The following LTBP1 variants were observed in gnomAD, a reference collection of about 807,000 sequenced individuals.
LTBP1 encodes latent transforming growth factor beta binding protein 1, also known as latent-transforming growth factor beta-binding protein 1.
LTBP1 carries 129 observed loss-of-function variants against 207.6 expected under a neutral mutation model. The observed-to-expected ratio is 0.62, with a 90% confidence interval of 0.54 to 0.72. The LOEUF is 0.72. LTBP1 is among the 30% of genes least tolerant of loss of function. The probability of loss-of-function intolerance (pLI) is 0.00; values close to 1 mark genes in which losing one functional copy is unlikely to be tolerated. For synonymous variants in LTBP1, 963 were observed against 833.7 expected (o/e 1.16, Z -2.67); for missense variants, 2,281 against 2,217.2 (o/e 1.03, Z -0.58).
chr2:33,150,798 G>C (rs1482400273), intron 5 of LTBP1, among the ~76,000 whole-genome samples: 1 of 142,654 alleles, frequency 7.0e-6, no homozygotes, highest in African/African-American at 2.6e-5. Flanking sequence ...CCTGGGAGGC[G>C]GAGGTTGGCT....
At chr2:33,189,572 C>G (rs540060668) in intron 7 of LTBP1, among the ~76,000 whole-genome samples, 1 of 152,298 alleles carries the variant, frequency 6.6e-6, no homozygotes, top group South Asian at 2.1e-4. Flanking sequence ...TAAAATGTGT[C>G]AGGCGTGAGA....
In LTBP1 at chr2:32,996,994, C is replaced by T. The variant is rs374522282; in HGVS notation, c.566-23915C>T. On this transcript the variant is annotated intron_variant, in intron 2 of 33. Transcript: ENST00000404816. ...CCGCCTTCTGGGTCCAAGCGATTCT[C>T]ATGCCTCAGCCTCCCGAGTAGCTGG... is the stretch of plus-strand genomic sequence containing the variant. Among the ~76,000 whole-genome samples, 113 of 152,254 alleles carry T rather than the reference C, an allele frequency of 7.4e-4. 1 individual carries two copies. The East Asian group carries it at 0.013, about 18-fold the overall frequency.
At chr2:33,319,747 G>A (rs1182316982) in intron 24 of LTBP1, among the ~76,000 whole-genome samples, 3 of 152,088 alleles carry the variant, frequency 2.0e-5, no homozygotes, top group African/African-American at 7.2e-5. Context: ...ATGATACAGC[G>A]GCCATGTTCA....
intron 22 of LTBP1, among the ~76,000 whole-genome samples, chr2:33,302,950 TACACACACACACAC>T (rs70938396): frequency 1.9e-4 from 28 of 144,900 alleles, no homozygotes; most frequent in Non-Finnish European, 2.9e-4. Context: ...CTAATATTTT[TACACACACACACAC>T]ACACACACAC....
At chr2:33,063,885 G>A (rs993083428) in intron 3 of LTBP1, among the ~76,000 whole-genome samples, 10 of 147,610 alleles carry the variant, frequency 6.8e-5, no homozygotes, top group African/African-American at 2.2e-4. Flanking sequence ...ATGGAGTCTC[G>A]CTCTGTCGCT....
In LTBP1 at chr2:33,127,694, T is replaced by G. The variant is rs2081517618; in HGVS notation, c.1034-7099T>G. ...GGAAGGTGGGAAAAGTGGAGAAATA[T>G]CCATAGACGTGTCTGCAAAGAGTCA... On this transcript the variant is annotated intron_variant, in intron 4 of 33. Transcript: ENST00000404816. Among the ~76,000 whole-genome samples the G allele has an allele frequency of 2.6e-5, 4 of 152,192 alleles. No individual in the cohort carries two copies. The South Asian group carries it at 8.3e-4, about 31-fold the overall frequency.
chr2:32,979,701 C>G (rs1682459352), intron 2 of LTBP1, among the ~76,000 whole-genome samples: 1 of 152,050 alleles, frequency 6.6e-6, no homozygotes, highest in Non-Finnish European at 1.5e-5. Context: ...TCCATTTGGT[C>G]TATTGTGTAG....
At chr2:32,951,902 A>G (rs1449522307) in intron 2 of LTBP1, among the ~76,000 whole-genome samples, 2 of 152,196 alleles carry the variant, frequency 1.3e-5, no homozygotes, top group African/African-American at 4.8e-5. Context: ...ATTACACATA[A>G]GAATACAAAA....
intron 5 of LTBP1, among the ~76,000 whole-genome samples, chr2:33,179,979 C>A (rs187039004): frequency 1.6e-4 from 24 of 152,312 alleles, no homozygotes; most frequent in Admixed American, 1.6e-3. Flanking sequence ...ACACTCCAGC[C>A]ACATCAGCTC....
chr2:33,247,511 A>G (rs1246711146), intron 10 of LTBP1, among the ~76,000 whole-genome samples: 1 of 152,238 alleles, frequency 6.6e-6, no homozygotes, highest in Non-Finnish European at 1.5e-5. Context: ...AGCCATGTCC[A>G]TTCATTTACT....
At chr2:33,228,142 G>C (rs1326849590) in intron 9 of LTBP1, among the ~76,000 whole-genome samples, 2 of 152,094 alleles carry the variant, frequency 1.3e-5, no homozygotes, top group African/African-American at 4.8e-5. Context: ...ATTTGGTCCA[G>C]TACCAATGAC....
rs759140402 is a variant in LTBP1 at position 33,363,349 on chromosome 2, ACCTAACT to A, written c.4271-37_4271-31del. On this transcript the variant is annotated intron_variant, in intron 28 of 33. Coordinates refer to ENST00000404816, the MANE Select transcript of LTBP1 (RefSeq NM_206943.4). Reference sequence around the variant, plus strand: ...AGACTCTTTTTAATTGAAAGATCAAACCTAACTCCTTTTTGTATTTCTCAATTTTTTT... The same window carrying A: ...AGACTCTTTTTAATTGAAAGATCAAACCTTTTTGTATTTCTCAATTTTTTT... The A allele has an allele frequency of 5.3e-5, 86 of 1,609,322 alleles. No individual in the cohort carries two copies. In the African/African-American group the frequency reaches 9.9e-4, roughly 18 times the overall value.
intron 10 of LTBP1, among the ~76,000 whole-genome samples, chr2:33,247,608 A>G (rs73927055): frequency 6.6e-6 from 1 of 152,350 alleles, no homozygotes; most frequent in African/African-American, 2.4e-5. Context: ...TAAAATACTT[A>G]TTATCTGATG....
Position 32,947,224 on chromosome 2 carries a change from G to C in LTBP1, c.-101G>C, listed in dbSNP as rs1422549111. 8 of 928,928 alleles carry C rather than the reference G, an allele frequency of 8.6e-6. No homozygotes were observed. The African/African-American group carries it at 1.0e-4, about 12-fold the overall frequency. 57.5% of individuals were successfully genotyped at this position (928,928 alleles called of 1,614,324 possible). The stretch of plus-strand genomic sequence containing the variant: ...TCCTCCCGCCTTTCCCGGGCTCTCG[G>C]CAGCTCTCGGGGGAGCCCGAACGCG... On this transcript the variant is annotated 5_prime_UTR_variant, in exon 1 of 34. Coordinates refer to ENST00000404816, the MANE Select transcript of LTBP1 (RefSeq NM_206943.4).
At chr2:33,329,268 C>T (rs976048337) in intron 24 of LTBP1, among the ~76,000 whole-genome samples, 1 of 152,156 alleles carries the variant, frequency 6.6e-6, no homozygotes, top group Non-Finnish European at 1.5e-5. Flanking sequence ...ATATCTTTAA[C>T]AACTTATCAT....
At chr2:33,355,209 C>T (rs879754407) in intron 26 of LTBP1, among the ~76,000 whole-genome samples, 10 of 151,858 alleles carry the variant, frequency 6.6e-5, no homozygotes, top group Admixed American at 6.6e-4. Context: ...CTTGTTCCCC[C>T]ATCTCCATAT....
Position 33,257,422 on chromosome 2 carries a change from C to G in LTBP1, c.2306C>G (p.Thr769Ser). Residue 769 changes from threonine (T) to serine (S), a missense_variant, in exon 12 of 34, where the codon ACT becomes AGT. Physicochemically the swap from Thr to Ser is moderately conservative, Grantham distance 58 (BLOSUM62 1). Coordinates refer to ENST00000404816, the MANE Select transcript of LTBP1 (RefSeq NM_206943.4). ...AACACTCAACCTGTTGCTAAAAGTA[C>G]TCATCCTCCACCTCTCCCAGCCAAG... is the stretch of plus-strand genomic sequence containing the variant. ...PKNTQPVAKS[T>S]HPPPLPAKEE... 3 of 1,614,234 alleles carry G rather than the reference C, an allele frequency of 1.9e-6. No homozygotes were observed. Among genetic ancestry groups the G allele is most frequent in the East Asian group, 4.5e-5 (2 of 44,890 alleles).
chr2:33,138,713 A>G (rs1290887324), intron 5 of LTBP1, among the ~76,000 whole-genome samples: 3 of 152,182 alleles, frequency 2.0e-5, no homozygotes, highest in Admixed American at 6.5e-5. Flanking sequence ...GGTATAACTT[A>G]TTTGTGGAGA....
chr2:33,135,595 C>G (rs1425137925), intron 5 of LTBP1, among the ~76,000 whole-genome samples: 1 of 149,800 alleles, frequency 6.7e-6, no homozygotes, highest in African/African-American at 2.4e-5. Flanking sequence ...GGAAGACAGA[C>G]TGGTAGATTA....
Sources: allele counts gnomAD v4.1 joint callset (sites outside exome capture counted in the v4.1 genomes callset), GRCh38; gene constraint gnomAD v4.1.1; transcripts MANE v1.5; gene names NCBI Gene and HGNC (gene_info 2026-07-23, HGNC 2026-07-21).